GMPR: variants seen among roughly 807,000 people sequenced by gnomAD.
GMPR encodes guanosine monophosphate reductase.
Under a neutral mutation model 38.4 loss-of-function variants are expected in GMPR, and 31 were observed. That is an observed-to-expected ratio of 0.81 (90% confidence interval 0.61 to 1.09). The LOEUF (loss-of-function observed/expected upper bound fraction) is 1.09. Ranked by LOEUF, GMPR falls within the 50% of genes least tolerant of loss-of-function variation. The pLI is 0.00. For synonymous variants in GMPR, 162 were observed against 173.3 expected (o/e 0.93, Z 0.51); for missense variants, 468 against 453.7 (o/e 1.03, Z -0.29).
At chr6:16,240,086 G>A (rs1015664122) in intron 1 of GMPR, among the ~76,000 whole-genome samples, 1 of 152,162 alleles carries the variant, frequency 6.6e-6, no homozygotes, top group Non-Finnish European at 1.5e-5. Context: ...GGGGGATTCT[G>A]GATGTGCTAA....
chr6:16,266,884 ACGAACAACTC>A lies in GMPR; in HGVS notation c.466-7528_466-7519del, dbSNP rs1759255205. ...CGAGACCACGAACCGTCCGGGAGGA[ACGAACAACTC>A]CGGACGTGCCACCTTTAAGAGCTGT... On this transcript the variant is annotated intron_variant, in intron 4 of 8. Transcript: ENST00000259727. Among the ~76,000 whole-genome samples, 4 of 151,932 alleles carry A rather than the reference ACGAACAACTC, an allele frequency of 2.6e-5. No individual in the cohort carries two copies. In the South Asian group the frequency reaches 8.3e-4, roughly 32 times the overall value.
At position 16,290,465 on chromosome 6, in the gene GMPR, C is replaced by T. The variant is rs201127981; in HGVS notation, c.701C>T (p.Ala234Val). Residue 234 changes from alanine (A) to valine (V), a missense_variant, in exon 8 of 9, where the codon GCT (alanine) becomes GTT (valine). By Grantham distance (64) the Ala-to-Val change is moderately conservative. Transcript: ENST00000259727. Reference sequence around the variant, plus strand: ...CATCCCCACCGTTGGCATTTAGGAGCTGGAGCAGATTTTGTCATGCTGGGA... The same window carrying T: ...CATCCCCACCGTTGGCATTTAGGAGTTGGAGCAGATTTTGTCATGCTGGGA... The part of the protein sequence containing the change: ...CPGDVAKAFG[A>V]GADFVMLGGM... The T allele has an allele frequency of 8.9e-5, 144 of 1,613,632 alleles. No individual in the cohort carries two copies. The highest frequency in any genetic ancestry group is 1.2e-4 in the Non-Finnish European group (143 of 1,179,668).
At position 16,254,618 on chromosome 6, in the gene GMPR, C is replaced by T; in HGVS notation, c.348C>T (p.Ile116=). The part of the protein sequence containing the change: ...GQNDLEKMTS[I]LEAVPQVKFI... Reference sequence around the variant, plus strand: ...ATGATCTGGAAAAGATGACCAGCATCCTGGAAGCTGTGCCACAGGTTAAGT... The same window carrying T: ...ATGATCTGGAAAAGATGACCAGCATTCTGGAAGCTGTGCCACAGGTTAAGT... The change falls in exon 4 of 9, where the codon ATC becomes ATT. Residue 116 remains isoleucine (I), a synonymous_variant. Transcript: ENST00000259727. The T allele has an allele frequency of 1.9e-6, 3 of 1,613,796 alleles. No individual in the cohort carries two copies. Among genetic ancestry groups the T allele is most frequent in the East Asian group, 4.5e-5 (2 of 44,882 alleles).
At chr6:16,241,222 T>C (rs1228641004) in intron 1 of GMPR, among the ~76,000 whole-genome samples, 1 of 152,136 alleles carries the variant, frequency 6.6e-6, no homozygotes, top group Non-Finnish European at 1.5e-5. Flanking sequence ...ACGTACACCC[T>C]GGGAGTAGAG....
intron 7 of GMPR, among the ~76,000 whole-genome samples, chr6:16,289,334 T>G (rs1191637774): frequency 6.6e-6 from 1 of 152,212 alleles, no homozygotes; most frequent in Non-Finnish European, 1.5e-5. Flanking sequence ...AGTTCCTTAG[T>G]TAATAGGCAA....
chr6:16,289,436 A>C (rs1759783521), intron 7 of GMPR: 1 of 152,330 alleles, frequency 6.6e-6, no homozygotes, highest in African/African-American at 2.4e-5. Context: ...CTAATCATTC[A>C]GCGTCTATCA....
chr6:16,285,961 C>T (rs886539187), intron 7 of GMPR, 126 bp downstream of exon 7: 1 of 809,640 alleles, frequency 1.2e-6, no homozygotes, highest in African/African-American at 1.7e-5. Flanking sequence ...CTGGAGGTTC[C>T]TCTCCCTGGG....
chr6:16,267,053 G>C (rs1014492792), intron 4 of GMPR, among the ~76,000 whole-genome samples: 6 of 150,710 alleles, frequency 4.0e-5, no homozygotes, highest in Admixed American at 4.0e-4. Context: ...GTGGCACGTC[G>C]GACGTGCCAC....
intron 5 of GMPR, among the ~76,000 whole-genome samples, chr6:16,276,069 C>G (rs937796655): frequency 5.3e-5 from 8 of 149,932 alleles, no homozygotes; most frequent in Admixed American, 5.3e-4. Flanking sequence ...GACCCTGTCT[C>G]AAGAAAAAAA....
intron 4 of GMPR, among the ~76,000 whole-genome samples, chr6:16,258,424 G>A (rs1031804752): frequency 6.6e-6 from 1 of 152,220 alleles, no homozygotes; most frequent in African/African-American, 2.4e-5. Flanking sequence ...CAGGAAGGAG[G>A]GGGCTGGGTA....
At chr6:16,263,877 G>A (rs1369474800) in intron 4 of GMPR, among the ~76,000 whole-genome samples, 1 of 151,748 alleles carries the variant, frequency 6.6e-6, no homozygotes, top group Admixed American at 6.7e-5. Flanking sequence ...GATATAAGAG[G>A]TTGGGGTACA....
intron 4 of GMPR, among the ~76,000 whole-genome samples, chr6:16,274,089 C>A (rs958174310): frequency 2.6e-5 from 4 of 152,168 alleles, no homozygotes; most frequent in African/African-American, 7.2e-5. Flanking sequence ...ACTGAGATTA[C>A]AGGCGTGAGC....
At chr6:16,277,607 G>A (rs1011431865) in intron 5 of GMPR, among the ~76,000 whole-genome samples, 1 of 152,146 alleles carries the variant, frequency 6.6e-6, no homozygotes, top group Admixed American at 6.6e-5. Flanking sequence ...TTGTATATGA[G>A]GCTCTGTTCT....
In GMPR at chr6:16,295,154, G is replaced by C. The variant is rs1561838187; in HGVS notation, c.1006G>C (p.Val336Leu). The change falls in exon 9 of 9, where the codon GTG becomes CTG. Residue 336 changes from valine (V) to leucine (L), a missense_variant. Transcript: ENST00000259727. The stretch of plus-strand genomic sequence containing the variant: ...CAGCAGGAGGGCAACATTCATCCGG[G>C]TGACCCAGCAGCACAACACCGTGTT... ...ELSRRATFIR[V>L]TQQHNTVFS 2 of 1,554,538 alleles carry C rather than the reference G, an allele frequency of 1.3e-6. No individual in the cohort carries two copies. The highest frequency in any genetic ancestry group is 1.4e-5 in the African/African-American group (1 of 71,036).
intron 1 of GMPR, among the ~76,000 whole-genome samples, chr6:16,245,869 C>T (rs1758741683): frequency 6.6e-6 from 1 of 152,180 alleles, no homozygotes; most frequent in African/African-American, 2.4e-5. Context: ...CGGAGGCAAC[C>T]CAGCTGTTCT....
At chr6:16,277,756 A>T (rs1453965503) in intron 5 of GMPR, among the ~76,000 whole-genome samples, 1 of 152,128 alleles carries the variant, frequency 6.6e-6, no homozygotes, top group Non-Finnish European at 1.5e-5. Context: ...GGGCAGTGAC[A>T]TTTAAGAAGA....
intron 7 of GMPR, among the ~76,000 whole-genome samples, chr6:16,289,273 C>G (rs1438296152): frequency 6.6e-6 from 1 of 152,216 alleles, no homozygotes; most frequent in African/African-American, 2.4e-5. Flanking sequence ...TCTATGGCTT[C>G]ATTCTTGAAG....
chr6:16,256,698 A>G (rs981933787), intron 4 of GMPR, among the ~76,000 whole-genome samples: 26 of 152,168 alleles, frequency 1.7e-4, no homozygotes, highest in African/African-American at 5.6e-4. Context: ...TAAGAAATGT[A>G]TATGTGTTTA....
rs779839778 is a variant in GMPR at position 16,285,821 on chromosome 6, TC to T, written c.684del (p.Ala229ProfsTer41). 1 of 1,612,830 alleles carries T rather than the reference TC, an allele frequency of 6.2e-7. No homozygotes were observed. The highest frequency in any genetic ancestry group is 2.2e-5 in the East Asian group (1 of 44,842). On this transcript the variant is annotated frameshift_variant, in exon 7 of 9. Coordinates refer to ENST00000259727, the MANE Select transcript of GMPR (RefSeq NM_006877.4). LOFTEE classifies it high-confidence loss of function. ...SDGGCTCPGDVAKAFGAGADF... is the reference protein window; with the variant it reads ...SDGGCTCPGDXAKAFGAGADF... ...GGAGGCTGTACGTGTCCAGGGGATG[TC>T]GCCAAAGCCTTTGGTAAGGCCGGGC...
Sources: allele counts gnomAD v4.1 joint callset (sites outside exome capture counted in the v4.1 genomes callset), GRCh38; gene constraint gnomAD v4.1.1; transcripts MANE v1.5; gene names NCBI Gene and HGNC (gene_info 2026-07-23, HGNC 2026-07-21).